Variants in PRKCA observed in about 807,000 individuals in gnomAD.
The protein encoded by PRKCA is protein kinase C alpha.
Under a neutral mutation model 87.0 loss-of-function variants are expected in PRKCA, and 27 were observed. The observed-to-expected ratio is 0.31, with a 90% CI of 0.23 to 0.43. The LOEUF (loss-of-function observed/expected upper bound fraction) is 0.43, where lower values mean the gene tolerates loss of function less well. PRKCA is among the 20% of genes least tolerant of loss of function. PRKCA has a pLI of 1.00. For missense variants in PRKCA, 518 were observed against 852.3 expected, an observed-to-expected ratio of 0.61 and a Z score of 4.88; for synonymous variants, 329 against 311.1, an observed-to-expected ratio of 1.06 and a Z score of -0.61.
At chr17:66,376,485 G>GT (rs1256247356) in intron 2 of PRKCA, among the ~76,000 whole-genome samples, 1 of 152,150 alleles carries the variant, frequency 6.6e-6, no homozygotes, top group African/African-American at 2.4e-5. Flanking sequence ...GTGGGCGCCT[G>GT]TAAGTCCAGC....
intron 5 of PRKCA, among the ~76,000 whole-genome samples, chr17:66,659,201 G>C (rs1174096270): frequency 6.6e-6 from 1 of 152,192 alleles, no homozygotes; most frequent in Admixed American, 6.5e-5. Context: ...GTGAGGAACT[G>C]ATGGTAGATT....
At chr17:66,445,454 T>C (rs1037467109) in intron 2 of PRKCA, among the ~76,000 whole-genome samples, 1 of 152,240 alleles carries the variant, frequency 6.6e-6, no homozygotes, top group African/African-American at 2.4e-5. Context: ...GGCTTCCTAA[T>C]GAGCAATAAG....
intron 3 of PRKCA, among the ~76,000 whole-genome samples, chr17:66,615,626 G>C (rs1041000315): frequency 3.9e-5 from 6 of 152,166 alleles, no homozygotes; most frequent in Non-Finnish European, 8.8e-5. Flanking sequence ...TTCCAGGCCT[G>C]CGTGTGCCCT....
At position 66,444,834 on chromosome 17, in the gene PRKCA, A is replaced by G. The variant is rs142936327; in HGVS notation, c.206-51367A>G. Among the ~76,000 whole-genome samples the G allele has an allele frequency of 1.8e-4, 28 of 152,300 alleles. No individual in the cohort carries two copies. The East Asian group carries it at 4.4e-3, about 24-fold the overall frequency. ...TGGTGGAGACAATAAAGCTTCTAAGAGCAAAATATAATTTTCTTCCCTGCT... is the reference window on the plus strand; with the variant it reads ...TGGTGGAGACAATAAAGCTTCTAAGGGCAAAATATAATTTTCTTCCCTGCT... On this transcript the variant is annotated intron_variant, in intron 2 of 16. Coordinates refer to ENST00000413366, the MANE Select transcript of PRKCA (RefSeq NM_002737.3).
At chr17:66,471,488 G>A (rs1009420772) in intron 2 of PRKCA, among the ~76,000 whole-genome samples, 1 of 152,206 alleles carries the variant, frequency 6.6e-6, no homozygotes, top group African/African-American at 2.4e-5. Flanking sequence ...AGTTGCAACA[G>A]TGTGTTATAG....
intron 13 of PRKCA, among the ~76,000 whole-genome samples, chr17:66,769,165 A>T (rs973872245): frequency 6.6e-6 from 1 of 152,144 alleles, no homozygotes; most frequent in Admixed American, 6.5e-5. Flanking sequence ...CAACACACCT[A>T]TGCAACAAAG....
rs147677301 is a variant in PRKCA, at chr17:66,631,710, T to G, written c.289-9645T>G. On this transcript the variant is annotated intron_variant, in intron 3 of 16. Coordinates refer to ENST00000413366, the MANE Select transcript of PRKCA (RefSeq NM_002737.3). ...AAATAACTTAAGGAGCATAATTGGA[T>G]TGTAACTCAATGGATAAATGTCTGA... 2.2e-3 allele frequency among the ~76,000 whole-genome samples: 336 copies of G among 152,300 alleles called. 1 individual carries two copies. The highest frequency in any genetic ancestry group is 6.6e-3 in the East Asian group (34 of 5,188).
chr17:66,323,074 A>C (rs978684222), intron 2 of PRKCA, among the ~76,000 whole-genome samples: 20 of 152,206 alleles, frequency 1.3e-4, no homozygotes, highest in Non-Finnish European at 2.2e-4. Flanking sequence ...TTGATCTTGC[A>C]TATTTCAAAA....
intron 2 of PRKCA, among the ~76,000 whole-genome samples, chr17:66,452,837 C>G (rs1914390350): frequency 1.3e-5 from 2 of 152,210 alleles, no homozygotes; most frequent in South Asian, 4.1e-4. Context: ...GCACTCCAGC[C>G]TGGATGACAG....
At chr17:66,335,769 T>C (rs1906625004) in intron 2 of PRKCA, among the ~76,000 whole-genome samples, 1 of 152,226 alleles carries the variant, frequency 6.6e-6, no homozygotes, top group South Asian at 2.1e-4. Context: ...TTTTCTGTTT[T>C]TCACTAATGC....
At chr17:66,729,072 C>T (rs562919577) in intron 8 of PRKCA, among the ~76,000 whole-genome samples, 167 of 152,268 alleles carry the variant, frequency 1.1e-3, no homozygotes, top group African/African-American at 3.5e-3. Flanking sequence ...GTGGCATAGT[C>T]GGTATTCTCA....
At chr17:66,645,285 G>T in intron 4 of PRKCA, 98 bp from the exon 5 acceptor site, 3 of 1,532,222 alleles carry the variant, frequency 2.0e-6, no homozygotes, top group South Asian at 2.4e-5. Flanking sequence ...ATCGAGTTGG[G>T]GGTAACTCAT....
At chr17:66,770,676 A>G (rs1177638745) in intron 13 of PRKCA, among the ~76,000 whole-genome samples, 2 of 152,136 alleles carry the variant, frequency 1.3e-5, no homozygotes, top group African/African-American at 2.4e-5. Flanking sequence ...TTCTAGCCCT[A>G]TGGTAGTGTC....
intron 1 of PRKCA, among the ~76,000 whole-genome samples, chr17:66,304,588 GAGC>G (rs2143094611): frequency 6.6e-6 from 1 of 152,310 alleles, no homozygotes; most frequent in African/African-American, 2.4e-5. Flanking sequence ...CCACTAGGGT[GAGC>G]ATAGTATGGA....
chr17:66,453,421 G>A (rs1383016345), intron 2 of PRKCA, among the ~76,000 whole-genome samples: 2 of 151,664 alleles, frequency 1.3e-5, no homozygotes, highest in African/African-American at 4.8e-5. Context: ...GGGTTCAAGC[G>A]ATTCTCCTGC....
intron 2 of PRKCA, among the ~76,000 whole-genome samples, chr17:66,315,542 T>C (rs11654123): frequency 0.97 from 145,753 of 150,574 alleles, 70,550 homozygotes; most frequent in East Asian, 1. Flanking sequence ...TGCAGTAGTG[T>C]GATCTCAACT....
chr17:66,313,694 T>C (rs1905178573), intron 2 of PRKCA, among the ~76,000 whole-genome samples: 1 of 152,236 alleles, frequency 6.6e-6, no homozygotes, highest in Admixed American at 6.5e-5. Context: ...ATCATCATGC[T>C]CCAGAGGGAG....
chr17:66,405,689 C>A (rs1161598416), intron 2 of PRKCA, among the ~76,000 whole-genome samples: 1 of 152,196 alleles, frequency 6.6e-6, no homozygotes, highest in African/African-American at 2.4e-5. Context: ...GGTTTATAAT[C>A]CAATCATTCA....
chr17:66,403,201 A>G (rs753059385), intron 2 of PRKCA, among the ~76,000 whole-genome samples: 1 of 152,200 alleles, frequency 6.6e-6, no homozygotes, highest in Non-Finnish European at 1.5e-5. Context: ...GGACATATTG[A>G]AATTGTTGCA....
Sources: allele counts gnomAD v4.1 joint callset (sites outside exome capture counted in the v4.1 genomes callset), GRCh38; gene constraint gnomAD v4.1.1; transcripts MANE v1.5; gene names NCBI Gene and HGNC (gene_info 2026-07-23, HGNC 2026-07-21).